Variants in USP28 observed in about 807,000 individuals in gnomAD.
The protein encoded by USP28 is ubiquitin carboxyl-terminal hydrolase 28.
USP28 carries 113 observed loss-of-function variants against 145.0 expected under a neutral mutation model. That is an observed-to-expected ratio of 0.78 (90% CI 0.67 to 0.91). The LOEUF (loss-of-function observed/expected upper bound fraction) is 0.91, where lower values mean the gene tolerates loss of function less well. Among genes scored for constraint, USP28 ranks in the 40% least tolerant of loss-of-function variants. USP28 has a pLI of 0.00. For synonymous variants in USP28, 447 were observed against 450.9 expected, an observed-to-expected ratio of 0.99 and a Z score of 0.11; for missense variants, 1,201 against 1,289.6, an observed-to-expected ratio of 0.93 and a Z score of 1.05.
intron 19 of USP28, among the ~76,000 whole-genome samples, chr11:113,805,848 T>G (rs981689463): frequency 6.6e-6 from 1 of 152,066 alleles, no homozygotes; most frequent in Non-Finnish European, 1.5e-5. Context: ...CAAGGCTGGG[T>G]TAGGGTCAAG....
intron 24 of USP28, among the ~76,000 whole-genome samples, chr11:113,800,076 G>C (rs2135028780): frequency 6.6e-6 from 1 of 151,322 alleles, no homozygotes; most frequent in Admixed American, 6.6e-5. Context: ...CGCCATCTTT[G>C]CTCACTGCAA....
chr11:113,849,776 T>C (rs1400887722), intron 3 of USP28, among the ~76,000 whole-genome samples: 3 of 152,146 alleles, frequency 2.0e-5, no homozygotes, highest in African/African-American at 7.2e-5. Context: ...CCGACAGCTA[T>C]GGGGAGATTC....
chr11:113,875,486 G>A lies in USP28; in HGVS notation c.16C>T (p.Gln6Ter), dbSNP rs1462700818. ...GCCGCGCCGGCCGCGTCGTCCTGCTGCAGCTCCGCAGTCATGGCCGAGGCG... is the reference window on the plus strand; with the variant it reads ...GCCGCGCCGGCCGCGTCGTCCTGCTACAGCTCCGCAGTCATGGCCGAGGCG... Residue 6 changes from glutamine (Q) to a stop codon, truncating the protein, a stop_gained, in exon 1 of 25, where the codon CAG (glutamine) becomes TAG (stop). Transcript: ENST00000003302. LOFTEE classifies it high-confidence loss of function. 2 of 1,216,608 alleles carry A rather than the reference G, an allele frequency of 1.6e-6. No individual in the cohort carries two copies. Among genetic ancestry groups the A allele is most frequent in the South Asian group, 2.7e-5 (1 of 37,018 alleles). The allele number at this position is 1,216,608 out of a possible 1,614,324, so 75.4% of individuals were successfully genotyped here. A position where few individuals can be genotyped will look rare whatever the true frequency, so the allele number is the denominator to read the frequency against.
intron 21 of USP28, 37 bp from the exon 23 acceptor site, chr11:113,803,914 T>C: frequency 2.6e-6 from 4 of 1,566,218 alleles, no homozygotes; most frequent in Non-Finnish European, 3.5e-6. Flanking sequence ...ATCATGATCA[T>C]AATAGATTGT....
chr11:113,839,069 G>A (rs1565433416), intron 5 of USP28, among the ~76,000 whole-genome samples: 1 of 152,112 alleles, frequency 6.6e-6, no homozygotes, highest in East Asian at 1.9e-4. Context: ...CATCTATATG[G>A]TACTAATTTC....
intron 13 of USP28, 56 bp downstream of exon 13, chr11:113,817,602 T>G: frequency 1.3e-6 from 2 of 1,576,874 alleles, no homozygotes; most frequent in East Asian, 4.5e-5. Flanking sequence ...TGGTGCATAG[T>G]TTAAATTATA....
rs1465768948 is a variant in USP28, at chr11:113,812,210, G to C, written c.1972+66C>G. 4.8e-6 allele frequency: 6 copies of C among 1,237,730 alleles called. No individual in the cohort carries two copies. The East Asian group carries it at 1.2e-4, about 24-fold the overall frequency. 76.7% of individuals were successfully genotyped at this position (1,237,730 alleles called of 1,614,324 possible). A position where few individuals can be genotyped will look rare whatever the true frequency, so the allele number is the denominator to read the frequency against. On this transcript the variant is annotated intron_variant, in intron 16 of 24. Coordinates refer to ENST00000003302, the Ensembl canonical transcript of USP28. ...GTAAATTTTTTAAAAAGCAGTACAA[G>C]ACTGTTCTTCTCCCTGAGCAGTACA... is the stretch of plus-strand genomic sequence containing the variant.
At chr11:113,858,712 C>T (rs190883720) in intron 1 of USP28, among the ~76,000 whole-genome samples, 2 of 152,202 alleles carry the variant, frequency 1.3e-5, no homozygotes, top group African/African-American at 2.4e-5. Context: ...TGGGTTCAAG[C>T]GATTCTCCTG....
At chr11:113,801,734 T>C (rs1022869891) in intron 23 of USP28, 56 bp from the exon 25 acceptor site, 5 of 1,428,244 alleles carry the variant, frequency 3.5e-6, no homozygotes, top group Non-Finnish European at 4.7e-6. Flanking sequence ...TAAATATCTC[T>C]TTAATAACAG....
chr11:113,863,496 T>C (rs974877446), intron 1 of USP28, among the ~76,000 whole-genome samples: 1 of 151,248 alleles, frequency 6.6e-6, no homozygotes, highest in Non-Finnish European at 1.5e-5. Context: ...AACACAAAAA[T>C]TAGTCGGGTG....
chr11:113,873,789 C>A (rs1225913608), intron 1 of USP28, among the ~76,000 whole-genome samples: 1 of 152,138 alleles, frequency 6.6e-6, no homozygotes, highest in East Asian at 1.9e-4. Flanking sequence ...GAAGTCAGTG[C>A]ATGATACTTT....
At chr11:113,852,297 G>A (rs1358863043) in intron 3 of USP28, among the ~76,000 whole-genome samples, 4 of 152,172 alleles carry the variant, frequency 2.6e-5, no homozygotes, top group Non-Finnish European at 2.9e-5. Context: ...CAAAGTGCTG[G>A]GATTACAGGC....
intron 1 of USP28, among the ~76,000 whole-genome samples, chr11:113,860,419 A>T (rs765315517): frequency 6.6e-6 from 1 of 150,770 alleles, no homozygotes; most frequent in East Asian, 1.9e-4. Flanking sequence ...ATTATAAAAT[A>T]AAACTTAAGT....
chr11:113,801,476 C>T lies in USP28; in HGVS notation c.3058+7G>A. On this transcript the variant is annotated splice_region_variant and intron_variant, in intron 24 of 24. Coordinates refer to ENST00000003302, the Ensembl canonical transcript of USP28. The stretch of plus-strand genomic sequence containing the variant: ...AACCTCAGAATATTATTACCAAGAG[C>T]ATATACCTGCAATATCTTGCCCAAG... 6.4e-7 allele frequency: 1 copy of T among 1,554,098 alleles called. No homozygotes were observed.
intron 12 of USP28, among the ~76,000 whole-genome samples, chr11:113,822,631 A>G (rs897428729): frequency 1.3e-5 from 2 of 152,224 alleles, no homozygotes; most frequent in African/African-American, 2.4e-5. Context: ...TTGGTTCTAT[A>G]AAAATAATTT....
intron 18 of USP28, among the ~76,000 whole-genome samples, chr11:113,807,194 TC>T (rs1371018021): frequency 1.3e-5 from 2 of 152,020 alleles, no homozygotes; most frequent in Non-Finnish European, 2.9e-5. Context: ...TGCCTCAGCC[TC>T]CCAAGTAGCT....
intron 1 of USP28, among the ~76,000 whole-genome samples, chr11:113,857,013 G>A (rs1486431914): frequency 2.0e-5 from 3 of 152,168 alleles, no homozygotes; most frequent in African/African-American, 7.2e-5. Context: ...AAGTAGAGAG[G>A]TAAATATTAC....
chr11:113,841,571 A>T, intron 4 of USP28, 92 bp downstream of exon 4: 2 of 754,888 alleles, frequency 2.6e-6, no homozygotes, highest in Non-Finnish European at 4.3e-6. Context: ...TCAGGTGCTT[A>T]ACAGAATTAT....
At chr11:113,841,676 T>C in exon 4 of USP28, 1 of 1,610,862 alleles carries the variant, frequency 6.2e-7, no homozygotes, top group Non-Finnish European at 8.5e-7. Flanking sequence ...TTAAGATCTC[T>C]TCCATCAGCT....
Sources: gnomAD v4.1 joint callset for allele counts (sites outside exome capture counted in the v4.1 genomes callset) on GRCh38, gnomAD v4.1.1 for gene constraint, MANE v1.5 for transcripts, NCBI Gene and HGNC (gene_info 2026-07-23, HGNC 2026-07-21) for gene names.